Variants in GALNT7 observed in about 807,000 individuals in gnomAD.
GALNT7 encodes polypeptide N-acetylgalactosaminyltransferase 7, also known as N-acetylgalactosaminyltransferase 7.
A neutral mutation model predicts 82.1 loss-of-function variants in GALNT7; 60 were observed. That is an observed-to-expected ratio of 0.73 (90% CI 0.59 to 0.91). The LOEUF (loss-of-function observed/expected upper bound fraction) is 0.91. GALNT7 is among the 40% of genes least tolerant of loss of function. The pLI is 0.00. For missense variants in GALNT7, 660 were observed against 804.2 expected (o/e 0.82, Z 2.17); for synonymous variants, 243 against 275.1 (o/e 0.88, Z 1.15).
At chr4:173,227,326 T>G (rs112005504) in intron 1 of GALNT7, among the ~76,000 whole-genome samples, 24 of 152,032 alleles carry the variant, frequency 1.6e-4, no homozygotes, top group African/African-American at 5.8e-4. Flanking sequence ...TTCTTTTTTG[T>G]TTGTTTGTTT....
intron 1 of GALNT7, among the ~76,000 whole-genome samples, chr4:173,221,974 A>G (rs1733657872): frequency 6.6e-6 from 1 of 152,220 alleles, no homozygotes; most frequent in Non-Finnish European, 1.5e-5. Context: ...TTTTAAAAGC[A>G]TACAAAATAC....
In GALNT7 at chr4:173,304,029, C is replaced by T. The variant is rs1357099857; in HGVS notation, c.1300C>T (p.Pro434Ser). Residue 434 changes from proline (P) to serine (S), a missense_variant, in exon 8 of 12, where the codon CCT becomes TCT. This residue lies in a region of GALNT7 where 527 missense variants were observed against 683.5 expected (regional missense o/e 0.77). Coordinates refer to ENST00000265000, the MANE Select transcript of GALNT7 (RefSeq NM_017423.3). ...GTGTGGTGGCAAATTATTATTTGTT[C>T]CTTGTTCTCGTGTTGGACATATCTA... The part of the protein sequence containing the change: ...WQCGGKLLFV[P>S]CSRVGHIYRL... 3.1e-6 allele frequency: 5 copies of T among 1,610,434 alleles called. No individual in the cohort carries two copies. Among genetic ancestry groups the T allele is most frequent in the Non-Finnish European group, 4.2e-6 (5 of 1,177,748 alleles).
intron 1 of GALNT7, among the ~76,000 whole-genome samples, chr4:173,197,873 G>C (rs1158166354): frequency 1.3e-5 from 2 of 152,152 alleles, no homozygotes; most frequent in Non-Finnish European, 1.5e-5. Flanking sequence ...TGGTGAATTA[G>C]CTGGCTGAAT....
At chr4:173,280,995 GC>G (rs1406843909) in intron 2 of GALNT7, among the ~76,000 whole-genome samples, 2 of 152,184 alleles carry the variant, frequency 1.3e-5, no homozygotes, top group East Asian at 3.8e-4. Context: ...TTTGTGTTGG[GC>G]TGAAGCTTTC....
intron 8 of GALNT7, among the ~76,000 whole-genome samples, chr4:173,304,505 T>C (rs1179816120): frequency 6.6e-6 from 1 of 152,186 alleles, no homozygotes; most frequent in Non-Finnish European, 1.5e-5. Context: ...TGGGGATGGC[T>C]AAATCTGGCT....
chr4:173,227,061 A>G (rs1229055574), intron 1 of GALNT7, among the ~76,000 whole-genome samples: 1 of 152,206 alleles, frequency 6.6e-6, no homozygotes, highest in Admixed American at 6.5e-5. Flanking sequence ...ATATGTGGTT[A>G]AAAGCCAATC....
intron 6 of GALNT7, among the ~76,000 whole-genome samples, chr4:173,300,554 G>C (rs1263354844): frequency 6.6e-6 from 1 of 151,824 alleles, no homozygotes; most frequent in African/African-American, 2.4e-5. Context: ...TGAATAACAT[G>C]AATGAAGGCC....
At chr4:173,297,904 A>C in intron 5 of GALNT7, 1 of 1,503,974 alleles carries the variant, frequency 6.6e-7, no homozygotes, top group Non-Finnish European at 8.8e-7. Context: ...CTGGGACTGG[A>C]GTTTACTATG....
intron 2 of GALNT7, among the ~76,000 whole-genome samples, chr4:173,273,858 A>G (rs1735811742): frequency 6.6e-6 from 1 of 152,220 alleles, no homozygotes; most frequent in Non-Finnish European, 1.5e-5. Context: ...AAGGTGTAGC[A>G]TAAGTTAATA....
Position 173,295,435 on chromosome 4 carries a change from G to A in GALNT7, c.794G>A (p.Trp265Ter). ...KEKLDEYIKLWNGLVKVFRNE... is the reference protein window; with the variant it reads ...KEKLDEYIKL ...AAACTGGATGAATATATTAAGCTGT[G>A]GAATGGCCTAGTGAAGGTATTTCGA... The change falls in exon 4 of 12, where the codon TGG becomes TAG. Residue 265 changes from tryptophan to a stop codon, truncating the protein, a stop_gained. Coordinates refer to ENST00000265000, the MANE Select transcript of GALNT7 (RefSeq NM_017423.3). LOFTEE classifies it high-confidence loss of function. The A allele has an allele frequency of 6.2e-7, 1 of 1,601,014 alleles. No individual in the cohort carries two copies. The highest frequency in any genetic ancestry group is 8.6e-7 in the Non-Finnish European group (1 of 1,168,186).
intron 1 of GALNT7, among the ~76,000 whole-genome samples, chr4:173,200,985 TATTTA>T (rs1732927779): frequency 6.6e-6 from 1 of 152,152 alleles, no homozygotes; most frequent in African/African-American, 2.4e-5. Context: ...TTCATAGAGG[TATTTA>T]ATTCTTGCAG....
intron 1 of GALNT7, among the ~76,000 whole-genome samples, chr4:173,201,504 A>G (rs1732944285): frequency 6.6e-6 from 1 of 152,226 alleles, no homozygotes; most frequent in East Asian, 1.9e-4. Flanking sequence ...AGCTATTTGT[A>G]TAACTAGAAT....
At chr4:173,266,661 A>G (rs1735504566) in intron 2 of GALNT7, among the ~76,000 whole-genome samples, 1 of 152,196 alleles carries the variant, frequency 6.6e-6, no homozygotes, top group South Asian at 2.1e-4. Context: ...TCTAAGTTGT[A>G]AGAAGTTATA....
chr4:173,296,841 A>G (rs560136602), intron 5 of GALNT7, among the ~76,000 whole-genome samples: 1 of 152,306 alleles, frequency 6.6e-6, no homozygotes, highest in South Asian at 2.1e-4. Flanking sequence ...AGATTCCACA[A>G]ATCTGACAAT....
chr4:173,264,158 A>T (rs1735388754), intron 2 of GALNT7, among the ~76,000 whole-genome samples: 1 of 152,172 alleles, frequency 6.6e-6, no homozygotes, highest in Non-Finnish European at 1.5e-5. Flanking sequence ...TTCAAAAGAA[A>T]AATATCTGCT....
chr4:173,312,420 C>T (rs142156725), intron 8 of GALNT7, among the ~76,000 whole-genome samples: 1,676 of 152,244 alleles, frequency 0.011, 27 homozygotes, highest in Non-Finnish European at 0.018. Flanking sequence ...AAGAGAGAGA[C>T]CAAGGAAGCC....
intron 2 of GALNT7, among the ~76,000 whole-genome samples, chr4:173,252,504 T>G (rs1055521424): frequency 3.3e-5 from 5 of 152,218 alleles, no homozygotes; most frequent in Non-Finnish European, 7.3e-5. Flanking sequence ...AGGAGAGAAC[T>G]GTCCAGCTGC....
At chr4:173,226,357 C>A (rs17059221) in intron 1 of GALNT7, among the ~76,000 whole-genome samples, 1 of 151,884 alleles carries the variant, frequency 6.6e-6, no homozygotes. Flanking sequence ...TCGGATAAAC[C>A]AAAATATTTT....
rs370037738 is a variant in GALNT7 at position 173,253,524 on chromosome 4, G to A, written c.587+5084G>A. 4.6e-5 allele frequency among the ~76,000 whole-genome samples: 7 copies of A among 152,242 alleles called. No individual in the cohort carries two copies. The East Asian group carries it at 1.4e-3, about 29-fold the overall frequency. On this transcript the variant is annotated intron_variant, in intron 2 of 11. Coordinates refer to ENST00000265000, the MANE Select transcript of GALNT7 (RefSeq NM_017423.3). Reference sequence around the variant, plus strand: ...GATTAGGGGGTGGAGGCCTGTTAGAGGGTTAGTGGCATTTGAGTGGGAACT... The same window carrying A: ...GATTAGGGGGTGGAGGCCTGTTAGAAGGTTAGTGGCATTTGAGTGGGAACT...
Sources: allele counts gnomAD v4.1 joint callset (sites outside exome capture counted in the v4.1 genomes callset), GRCh38; gene constraint gnomAD v4.1.1; regional missense constraint gnomAD v4.1.1; transcripts MANE v1.5; gene names NCBI Gene and HGNC (gene_info 2026-07-23, HGNC 2026-07-21).